The following OPCML variants were observed in gnomAD, a reference collection of about 807,000 sequenced individuals.
OPCML encodes the protein opioid-binding protein/cell adhesion molecule.
In OPCML, 13 loss-of-function variants were observed where a neutral mutation model predicts 37.8. That is an observed-to-expected ratio of 0.34 (90% CI 0.22 to 0.55). OPCML has a LOEUF of 0.55. OPCML is among the 20% of genes least tolerant of loss of function. The pLI is 0.91. For missense variants in OPCML, 341 were observed against 435.6 expected (o/e 0.78, Z 1.93); for synonymous variants, 176 against 168.8 (o/e 1.04, Z -0.33).
chr11:132,953,268 G>T (rs939934264), intron 1 of OPCML, among the ~76,000 whole-genome samples: 13 of 152,100 alleles, frequency 8.5e-5, no homozygotes, highest in African/African-American at 3.1e-4. Flanking sequence ...TTTGCTGCAC[G>T]AGAGAACTGA....
rs180744607 is a variant in OPCML at position 133,363,374 on chromosome 11, C to G, written c.61+168890G>C. 5.2e-4 allele frequency among the ~76,000 whole-genome samples: 79 copies of G among 152,304 alleles called. 1 individual carries two copies. Among genetic ancestry groups the G allele is most frequent in the African/African-American group, 1.9e-3 (77 of 41,590 alleles). On this transcript the variant is annotated intron_variant, in intron 1 of 7. Coordinates refer to ENST00000524381, the MANE Select transcript of OPCML (RefSeq NM_001012393.5). ...ACTAGATGGCATTGTGGTGAGTTCT[C>G]TCTCTTTCAGTAGTTCCAGACGTGA... is the stretch of plus-strand genomic sequence containing the variant.
chr11:133,178,272 C>T (rs1937644361), intron 1 of OPCML, among the ~76,000 whole-genome samples: 1 of 152,002 alleles, frequency 6.6e-6, no homozygotes, highest in Non-Finnish European at 1.5e-5. Context: ...AGGCAAAGGT[C>T]AGAGGGTGTG....
intron 1 of OPCML, among the ~76,000 whole-genome samples, chr11:133,084,606 T>G (rs1422370547): frequency 6.6e-6 from 1 of 152,160 alleles, no homozygotes; most frequent in East Asian, 1.9e-4. Flanking sequence ...AGCACATCAC[T>G]GGGAGGCGTA....
At position 133,432,022 on chromosome 11, in the gene OPCML, C is replaced by T. The variant is rs568840914; in HGVS notation, c.61+100242G>A. Among the ~76,000 whole-genome samples, 5 of 152,152 alleles carry T rather than the reference C, an allele frequency of 3.3e-5. No individual in the cohort carries two copies. In the East Asian group the frequency reaches 7.7e-4, roughly 24 times the overall value. On this transcript the variant is annotated intron_variant, in intron 1 of 7. Coordinates refer to ENST00000524381, the MANE Select transcript of OPCML (RefSeq NM_001012393.5). The stretch of plus-strand genomic sequence containing the variant: ...GAGAACCAAATACTGCATGTTCTCA[C>T]TTCTAAGCAGGAGCTAAATATTGAG...
intron 1 of OPCML, among the ~76,000 whole-genome samples, chr11:133,396,426 T>C (rs1462539926): frequency 6.6e-6 from 1 of 152,142 alleles, no homozygotes; most frequent in Non-Finnish European, 1.5e-5. Flanking sequence ...TCACTCACTC[T>C]TATTTTTCCA....
chr11:132,898,066 G>C (rs1018053855), intron 2 of OPCML, among the ~76,000 whole-genome samples: 1 of 152,112 alleles, frequency 6.6e-6, no homozygotes, highest in Non-Finnish European at 1.5e-5. Flanking sequence ...ATGGTGGTAG[G>C]GATGGAGGTT....
At chr11:132,579,470 G>A (rs2096457938) in intron 3 of OPCML, among the ~76,000 whole-genome samples, 1 of 151,812 alleles carries the variant, frequency 6.6e-6, no homozygotes, top group African/African-American at 2.4e-5. Context: ...ATGATTTTAA[G>A]CCATGGTGGT....
In OPCML at chr11:133,306,880, G is replaced by A. The variant is rs964979734; in HGVS notation, c.61+225384C>T. ...TTCTTCTGGTTTTATCCTTAACCAA[G>A]ACACATACAGCTGGCCATGTAATAG... On this transcript the variant is annotated intron_variant, in intron 1 of 7. Transcript: ENST00000524381. Among the ~76,000 whole-genome samples the A allele has an allele frequency of 3.3e-5, 5 of 152,238 alleles. No individual in the cohort carries two copies. The East Asian group carries it at 9.6e-4, about 29-fold the overall frequency.
intron 1 of OPCML, among the ~76,000 whole-genome samples, chr11:133,045,000 G>C (rs769308262): frequency 8.5e-5 from 13 of 152,256 alleles, no homozygotes; most frequent in Non-Finnish European, 1.6e-4. Flanking sequence ...ATAAGCAAAA[G>C]AATAAACACA....
At position 132,713,097 on chromosome 11, in the gene OPCML, C is replaced by A. The variant is rs117167222; in HGVS notation, c.147-55778G>T. ...GTTTCCTCTCTTCCATCTGAAAGAG[C>A]TTGGGAGCTCCTTTAAAATTTTGAG... On this transcript the variant is annotated intron_variant, in intron 2 of 7. Transcript: ENST00000524381. Among the ~76,000 whole-genome samples, 1,008 of 152,274 alleles carry A rather than the reference C, an allele frequency of 6.6e-3. 13 individuals carry two copies. Among genetic ancestry groups the A allele is most frequent in the South Asian group, 0.038 (184 of 4,816 alleles).
chr11:132,669,223 C>G (rs1458491301), intron 2 of OPCML, among the ~76,000 whole-genome samples: 2 of 151,896 alleles, frequency 1.3e-5, no homozygotes, highest in East Asian at 1.9e-4. Context: ...TCTAGAAGAA[C>G]CATTCTCAAG....
At chr11:132,743,052 G>A (rs968160398) in intron 2 of OPCML, among the ~76,000 whole-genome samples, 17 of 151,980 alleles carry the variant, frequency 1.1e-4, no homozygotes, top group African/African-American at 4.1e-4. Context: ...GATCAATGGA[G>A]TCATCTATGT....
chr11:133,008,179 T>C (rs11821898), intron 1 of OPCML: 2 of 985,448 alleles, frequency 2.0e-6, no homozygotes, highest in Admixed American at 6.1e-5. Flanking sequence ...CCAAGAACCC[T>C]TGGGTCATTC....
At chr11:133,145,198 A>G (rs1345563115) in intron 1 of OPCML, among the ~76,000 whole-genome samples, 4 of 152,240 alleles carry the variant, frequency 2.6e-5, no homozygotes, top group African/African-American at 9.6e-5. Context: ...ACTACGATTA[A>G]TGACAGTGCT....
chr11:133,023,952 C>G (rs1947500330), intron 1 of OPCML, among the ~76,000 whole-genome samples: 1 of 152,180 alleles, frequency 6.6e-6, no homozygotes, highest in Non-Finnish European at 1.5e-5. Flanking sequence ...GGAAGAATAA[C>G]AGTCACTGAG....
At chr11:132,960,118 C>A (rs748911052) in intron 1 of OPCML, among the ~76,000 whole-genome samples, 1 of 152,162 alleles carries the variant, frequency 6.6e-6, no homozygotes, top group African/African-American at 2.4e-5. Context: ...CTACTGCCAC[C>A]GTTAATAACA....
At chr11:132,967,747 C>A (rs1194605268) in intron 1 of OPCML, among the ~76,000 whole-genome samples, 1 of 152,056 alleles carries the variant, frequency 6.6e-6, no homozygotes, top group East Asian at 1.9e-4. Flanking sequence ...TTTTTTGTAT[C>A]AATTTAAATT....
chr11:132,452,887 A>G (rs868711512), intron 4 of OPCML, among the ~76,000 whole-genome samples: 10 of 152,178 alleles, frequency 6.6e-5, no homozygotes, highest in African/African-American at 2.2e-4. Flanking sequence ...GTGAGATTTC[A>G]AACATAGAAA....
intron 1 of OPCML, among the ~76,000 whole-genome samples, chr11:133,473,071 G>A (rs1198275304): frequency 2.6e-5 from 4 of 152,054 alleles, no homozygotes; most frequent in African/African-American, 9.7e-5. Context: ...TTTCATACTG[G>A]GAGCTCACAA....
Sources: gnomAD v4.1 joint callset for allele counts (sites outside exome capture counted in the v4.1 genomes callset) on GRCh38, gnomAD v4.1.1 for gene constraint, MANE v1.5 for transcripts, NCBI Gene and HGNC (gene_info 2026-07-23, HGNC 2026-07-21) for gene names.